Variants in TMEM183A observed in about 807,000 individuals in gnomAD.
TMEM183A encodes transmembrane protein 183A.
Under a neutral mutation model 46.7 loss-of-function variants are expected in TMEM183A, and 21 were observed. The observed-to-expected ratio is 0.45, with a 90% CI of 0.32 to 0.65. TMEM183A has a LOEUF of 0.65. Among genes scored for constraint, TMEM183A ranks in the 30% least tolerant of loss-of-function variants. TMEM183A has a pLI of 0.04. For synonymous variants in TMEM183A, 165 were observed against 180.2 expected (o/e 0.92, Z 0.68); for missense variants, 331 against 481.9 (o/e 0.69, Z 2.93).
intron 6 of TMEM183A, among the ~76,000 whole-genome samples, chr1:203,019,046 C>T (rs1197601037): frequency 6.6e-6 from 1 of 150,554 alleles, no homozygotes; most frequent in Non-Finnish European, 1.5e-5. Flanking sequence ...AATTGCCTTA[C>T]TAAAACAGTG....
chr1:203,007,963 C>T (rs1195586676), intron 2 of TMEM183A, 100 bp downstream of exon 2: 17 of 1,455,684 alleles, frequency 1.2e-5, no homozygotes, highest in Non-Finnish European at 1.5e-5. Context: ...TTCCTGTAAC[C>T]GTGTTTGCTT....
At chr1:203,015,648 G>A (rs1558041103) in intron 4 of TMEM183A, 1 of 270,666 alleles carries the variant, frequency 3.7e-6, no homozygotes, top group Non-Finnish European at 7.0e-6. Context: ...GTGGCTCTTC[G>A]CCAGTATAGG....
intron 7 of TMEM183A, among the ~76,000 whole-genome samples, chr1:203,022,019 C>T (rs1362949225): frequency 6.6e-6 from 1 of 152,178 alleles, no homozygotes; most frequent in Admixed American, 6.5e-5. Flanking sequence ...TATGTACTCT[C>T]TCTCTCTCAA....
chr1:203,015,220 A>T, intron 4 of TMEM183A, 172 bp downstream of exon 4: 2 of 951,144 alleles, frequency 2.1e-6, no homozygotes, highest in Non-Finnish European at 3.0e-6. Flanking sequence ...TGATATTATT[A>T]ATTATCCAGG....
chr1:203,011,278 C>T (rs1005380235), intron 3 of TMEM183A, among the ~76,000 whole-genome samples: 2 of 152,170 alleles, frequency 1.3e-5, no homozygotes. Flanking sequence ...CTTATCAACA[C>T]TTGTTATTGT....
At chr1:203,008,561 TG>T (rs982750832) in intron 2 of TMEM183A, 81 bp from the exon 3 acceptor site, 21 of 1,225,576 alleles carry the variant, frequency 1.7e-5, no homozygotes, top group Non-Finnish European at 2.1e-5. Context: ...CTTTCCTGAA[TG>T]GATGCTGATA....
rs1377772210 is a variant in TMEM183A at position 203,022,970 on chromosome 1, T to C, written c.1061T>C (p.Leu354Pro). 6.2e-7 allele frequency: 1 copy of C among 1,608,644 alleles called. No homozygotes were observed. ...AGTGAACAGGGTGTGCAAGTCATCC[T>C]GGACCCAGTGCACAGCGTTCGGCTC... ...LRSEQGVQVI[L>P]DPVHSVRLFD... The change falls in exon 8 of 8, where the codon CTG becomes CCG. Residue 354 changes from leucine to proline, a missense_variant. By Grantham distance (98) the Leu-to-Pro change is moderately conservative. Around this residue, in one of 2 missense-constraint regions of TMEM183A, gnomAD observed 233 missense variants for 385.8 expected, o/e 0.60. Transcript: ENST00000367242.
chr1:203,016,302 C>T, intron 5 of TMEM183A, 162 bp downstream of exon 5: 2 of 975,334 alleles, frequency 2.1e-6, no homozygotes, highest in Non-Finnish European at 3.0e-6. Context: ...TCTCCAAGAC[C>T]TTTCTGCTGT....
intron 7 of TMEM183A, among the ~76,000 whole-genome samples, chr1:203,022,408 A>C (rs1410119151): frequency 6.6e-6 from 1 of 152,074 alleles, no homozygotes; most frequent in Non-Finnish European, 1.5e-5. Flanking sequence ...AATTTTTTAT[A>C]TCTTTAAAGG....
chr1:203,013,673 G>A lies in TMEM183A; in HGVS notation c.368-1216G>A, dbSNP rs573022686. Among the ~76,000 whole-genome samples, 17 of 151,588 alleles carry A rather than the reference G, an allele frequency of 1.1e-4. No individual in the cohort carries two copies. The highest frequency in any genetic ancestry group is 4.1e-4 in the African/African-American group (17 of 41,312). On this transcript the variant is annotated intron_variant, in intron 3 of 7. Transcript: ENST00000367242. This position sits in a 1 kb window ranked among gnomAD's most constrained non-coding sequence, Gnocchi z 4.0. ...ACTACAGGCAGCTGCCACCACGCCC[G>A]GCTAATTTTTTTGTATTTTTTAGTA...
At chr1:203,009,657 AT>A (rs1341581611) in intron 3 of TMEM183A, among the ~76,000 whole-genome samples, 2 of 151,828 alleles carry the variant, frequency 1.3e-5, no homozygotes, top group Non-Finnish European at 2.9e-5. Flanking sequence ...AATTTTTTCT[AT>A]TTTTTGTAGA....
intron 3 of TMEM183A, among the ~76,000 whole-genome samples, chr1:203,012,113 G>A (rs908510171): frequency 5.0e-5 from 7 of 140,346 alleles, no homozygotes; most frequent in African/African-American, 1.3e-4. Context: ...GTCAACTCAC[G>A]GCCATTTTTA....
intron 7 of TMEM183A, among the ~76,000 whole-genome samples, chr1:203,022,428 C>T (rs1468184653): frequency 2.6e-5 from 4 of 152,006 alleles, no homozygotes; most frequent in African/African-American, 9.6e-5. Flanking sequence ...GTTGGCTGGG[C>T]GTGGTGGCTC....
At chr1:203,014,377 T>G (rs1571611654) in intron 3 of TMEM183A, among the ~76,000 whole-genome samples, 1 of 151,864 alleles carries the variant, frequency 6.6e-6, no homozygotes, top group Non-Finnish European at 1.5e-5. Context: ...CCAAGGCGGG[T>G]GGATCACTTG....
chr1:203,022,781 T>C (rs1226941614), intron 7 of TMEM183A, 74 bp from the exon 8 acceptor site: 31 of 1,597,462 alleles, frequency 1.9e-5, no homozygotes, highest in Non-Finnish European at 2.7e-5. Context: ...TAGTCTGGAC[T>C]ATTTCATTTC....
chr1:203,017,755 G>A, intron 5 of TMEM183A: 1 of 985,860 alleles, frequency 1.0e-6, no homozygotes, highest in Non-Finnish European at 1.2e-6. Context: ...TCTCTTTTCA[G>A]TAGCATAGCT....
At chr1:203,014,849 T>C (rs750197953) in intron 3 of TMEM183A, 40 bp from the exon 4 acceptor site, 19 of 1,605,434 alleles carry the variant, frequency 1.2e-5, no homozygotes, top group South Asian at 4.4e-5. Context: ...TCTTTAGATA[T>C]GGTGTAGAAG....
rs555362119 is a variant in TMEM183A, at chr1:203,007,485, C to G, written c.20C>G (p.Pro7Arg). ...GGAGACATGGCCCGGGGGCCCGGCC[C>G]GCTAGGCAGGCCTCGCCCCGATACG... MARGPG[P>R]LGRPRPDTVA... The change falls in exon 1 of 8, where the codon CCG becomes CGG. Residue 7 changes from proline (P) to arginine (R), a missense_variant. Physicochemically the swap from Pro to Arg is moderately radical, Grantham distance 103. Transcript: ENST00000367242. 6.8e-7 allele frequency: 1 copy of G among 1,480,244 alleles called. No homozygotes were observed. The allele number at this position is 1,480,244 out of a possible 1,614,324, so 91.7% of individuals were successfully genotyped here. A position where few individuals can be genotyped will look rare whatever the true frequency, so the allele number is the denominator to read the frequency against.
chr1:203,016,043 T>G lies in TMEM183A; in HGVS notation c.611T>G (p.Ile204Ser). 6.2e-7 allele frequency: 1 copy of G among 1,614,120 alleles called. No individual in the cohort carries two copies. Among genetic ancestry groups the G allele is most frequent in the Non-Finnish European group, 8.5e-7 (1 of 1,179,958 alleles). The change falls in exon 5 of 8, where the codon ATC becomes AGC. Residue 204 changes from isoleucine to serine, a missense_variant. By Grantham distance (142) the Ile-to-Ser change is moderately radical. Transcript: ENST00000367242. ...CTGCGCTGTCTCCGGGCTTGTGTGA[T>G]CCGATCTCTGTACCATATGTATGAG... ...EKLRCLRACV[I>S]RSLYHMYEPF...
Sources: gnomAD v4.1 joint callset for allele counts (sites outside exome capture counted in the v4.1 genomes callset) on GRCh38, gnomAD v4.1.1 for gene constraint, gnomAD v4.1.1 regional missense constraint, Gnocchi (gnomAD v3.1) non-coding constraint, MANE v1.5 for transcripts, NCBI Gene and HGNC (gene_info 2026-07-23, HGNC 2026-07-21) for gene names.